Variants in NRXN3 observed in about 807,000 individuals in gnomAD.
NRXN3 encodes the protein neurexin III.
In NRXN3, 32 loss-of-function variants were observed where a neutral mutation model predicts 137.6. The observed-to-expected ratio is 0.23, with a 90% CI of 0.18 to 0.31. The LOEUF (loss-of-function observed/expected upper bound fraction) is 0.31, where lower values mean the gene tolerates loss of function less well. Ranked by LOEUF, NRXN3 falls within the 10% of genes least tolerant of loss-of-function variation. The pLI is 1.00. For synonymous variants in NRXN3, 798 were observed against 784.5 expected (o/e 1.02, Z -0.29); for missense variants, 1,574 against 2,062.5 (o/e 0.76, Z 4.59).
intron 8 of NRXN3, among the ~76,000 whole-genome samples, chr14:78,795,864 T>G (rs1440135760): frequency 6.6e-6 from 1 of 152,202 alleles, no homozygotes; most frequent in Non-Finnish European, 1.5e-5. Context: ...GGAAAAACAT[T>G]TATTCAAGAC....
At chr14:79,732,910 G>A (rs759433177) in intron 19 of NRXN3, among the ~76,000 whole-genome samples, 1 of 152,056 alleles carries the variant, frequency 6.6e-6, no homozygotes, top group Non-Finnish European at 1.5e-5. Flanking sequence ...GGCATAAAGA[G>A]CAATGACTCT....
At chr14:79,224,357 G>T (rs921355467) in intron 15 of NRXN3, among the ~76,000 whole-genome samples, 3 of 152,078 alleles carry the variant, frequency 2.0e-5, no homozygotes, top group Admixed American at 1.3e-4. Flanking sequence ...GCACAGATGA[G>T]GTAAGTGTGA....
chr14:79,234,317 TATATATA>T (rs1399429829), intron 15 of NRXN3, among the ~76,000 whole-genome samples: 1 of 119,612 alleles, frequency 8.4e-6, no homozygotes, highest in Non-Finnish European at 1.7e-5. Flanking sequence ...TATATATATA[TATATATA>T]TATATATATA....
intron 4 of NRXN3, among the ~76,000 whole-genome samples, chr14:78,628,979 C>T (rs906789741): frequency 1.3e-5 from 2 of 152,118 alleles, no homozygotes; most frequent in Non-Finnish European, 2.9e-5. Context: ...GACCCTGGAC[C>T]CCTAAATCTC....
chr14:79,635,437 C>T (rs182406763), intron 16 of NRXN3, among the ~76,000 whole-genome samples: 59 of 152,280 alleles, frequency 3.9e-4, no homozygotes, highest in African/African-American at 1.4e-3. Flanking sequence ...TGGGGTTCAC[C>T]AAACGTACTA....
At chr14:78,315,075 G>A (rs1027635335) in intron 4 of NRXN3, among the ~76,000 whole-genome samples, 3 of 150,310 alleles carry the variant, frequency 2.0e-5, no homozygotes, top group African/African-American at 7.4e-5. Context: ...GCAGTGGCAT[G>A]ATCTCAGCTC....
intron 4 of NRXN3, among the ~76,000 whole-genome samples, chr14:78,580,569 C>T (rs934180669): frequency 6.6e-6 from 1 of 152,190 alleles, no homozygotes; most frequent in Non-Finnish European, 1.5e-5. Flanking sequence ...CAGTATTCTG[C>T]ACACACAGGA....
chr14:79,142,712 C>CA (rs1359979251), intron 15 of NRXN3, among the ~76,000 whole-genome samples: 1 of 152,038 alleles, frequency 6.6e-6, no homozygotes, highest in Non-Finnish European at 1.5e-5. Context: ...ATGGGGTGGA[C>CA]AAATGGCTAG....
intron 4 of NRXN3, among the ~76,000 whole-genome samples, chr14:78,469,911 G>C (rs1599074445): frequency 1.3e-5 from 2 of 152,262 alleles, no homozygotes; most frequent in East Asian, 1.9e-4. Context: ...TCTGAGCTTT[G>C]ACCTTGTTAC....
At chr14:79,176,751 A>G (rs1283096950) in intron 15 of NRXN3, among the ~76,000 whole-genome samples, 1 of 152,236 alleles carries the variant, frequency 6.6e-6, no homozygotes, top group East Asian at 1.9e-4. Flanking sequence ...TGACCTAGAA[A>G]AACAAGTTAG....
intron 16 of NRXN3, among the ~76,000 whole-genome samples, chr14:79,661,098 C>A (rs1380616959): frequency 6.6e-6 from 1 of 151,988 alleles, no homozygotes; most frequent in Non-Finnish European, 1.5e-5. Flanking sequence ...ATGAAAAGTA[C>A]AAAAAGAACC....
intron 3 of NRXN3, among the ~76,000 whole-genome samples, chr14:78,284,909 C>T (rs1596786654): frequency 6.6e-6 from 1 of 152,280 alleles, no homozygotes; most frequent in Non-Finnish European, 1.5e-5. Context: ...ACCACTTCAC[C>T]AATGAAGAAC....
At chr14:78,962,903 G>A (rs557756946) in intron 11 of NRXN3, among the ~76,000 whole-genome samples, 4 of 151,942 alleles carry the variant, frequency 2.6e-5, no homozygotes, top group Non-Finnish European at 4.4e-5. Context: ...TAGTAAAGAC[G>A]GGTTTTCACC....
intron 15 of NRXN3, among the ~76,000 whole-genome samples, chr14:79,367,606 A>G (rs1014545648): frequency 1.3e-5 from 2 of 152,216 alleles, no homozygotes; most frequent in South Asian, 2.1e-4. Flanking sequence ...AACTAATGTT[A>G]ATTCATGTCA....
chr14:79,510,570 A>C (rs531724221), intron 16 of NRXN3, among the ~76,000 whole-genome samples: 1 of 152,300 alleles, frequency 6.6e-6, no homozygotes, highest in African/African-American at 2.4e-5. Flanking sequence ...GGCCAGAAGA[A>C]GTTGACATTA....
intron 16 of NRXN3, among the ~76,000 whole-genome samples, chr14:79,625,839 G>T (rs1468776721): frequency 1.3e-5 from 2 of 152,146 alleles, no homozygotes; most frequent in African/African-American, 2.4e-5. Flanking sequence ...AAGAACTCAG[G>T]GTTTGCACCT....
chr14:78,202,081 T>TAGCTGCCATGGGTG (rs544573079), intron 1 of NRXN3, among the ~76,000 whole-genome samples: 97 of 152,136 alleles, frequency 6.4e-4, no homozygotes, highest in Non-Finnish European at 5.3e-4. Context: ...GAAACTCCCA[T>TAGCTGCCATGGGTG]AGCTGCCATG....
At chr14:79,676,773 T>C (rs1678500666) in intron 17 of NRXN3, among the ~76,000 whole-genome samples, 2 of 152,026 alleles carry the variant, frequency 1.3e-5, no homozygotes, top group African/African-American at 2.4e-5. Context: ...TGGGTTTTTA[T>C]TTACAAAATA....
intron 4 of NRXN3, among the ~76,000 whole-genome samples, chr14:78,614,467 A>G (rs2097328841): frequency 6.6e-6 from 1 of 152,164 alleles, no homozygotes; most frequent in South Asian, 2.1e-4. Context: ...ATATGGGATT[A>G]ATAACATTTT....
Sources: gnomAD v4.1 joint callset for allele counts (sites outside exome capture counted in the v4.1 genomes callset) on GRCh38, gnomAD v4.1.1 for gene constraint, MANE v1.5 for transcripts, NCBI Gene and HGNC (gene_info 2026-07-23, HGNC 2026-07-21) for gene names.